KCNU1: variants seen among roughly 807,000 people sequenced by gnomAD.
The protein encoded by KCNU1 is potassium channel subfamily U member 1.
A neutral mutation model predicts 126.8 loss-of-function variants in KCNU1; 93 were observed. That is an observed-to-expected ratio of 0.73 (90% CI 0.62 to 0.87). KCNU1 has a LOEUF of 0.87. KCNU1 is among the 40% of genes least tolerant of loss of function. The pLI, the probability that KCNU1 is intolerant of heterozygous loss-of-function variation, is 0.00. For synonymous variants in KCNU1, 523 were observed against 494.2 expected (o/e 1.06, Z -0.77); for missense variants, 1,330 against 1,367.1 (o/e 0.97, Z 0.43).
chr8:36,815,615 T>C lies in KCNU1; in HGVS notation c.923T>C (p.Ile308Thr). 1 of 1,585,674 alleles carries C rather than the reference T, an allele frequency of 6.3e-7. No homozygotes were observed. The highest frequency in any genetic ancestry group is 2.3e-5 in the East Asian group (1 of 44,372). ...LGSLILFANY[I>T]PEMVELFANK... is the part of the protein sequence containing the mutation. Reference sequence around the variant, plus strand: ...TTTTAGATATTATTTGCGAACTATATACCTGAAATGGTGGAACTGTTTGCT... The same window carrying C: ...TTTTAGATATTATTTGCGAACTATACACCTGAAATGGTGGAACTGTTTGCT... Residue 308 changes from isoleucine (I) to threonine (T), a missense_variant, in exon 9 of 27, where the codon ATA becomes ACA. Ile to Thr is a moderately conservative substitution (Grantham distance 89, BLOSUM62 -1). Coordinates refer to ENST00000399881, the MANE Select transcript of KCNU1 (RefSeq NM_001031836.3).
Position 36,841,019 on chromosome 8 carries a change from C to A in KCNU1, c.1703+16C>A. The A allele has an allele frequency of 7.8e-7, 1 of 1,289,356 alleles. No individual in the cohort carries two copies. Among genetic ancestry groups the A allele is most frequent in the South Asian group, 1.2e-5 (1 of 81,022 alleles). 79.9% of individuals were successfully genotyped at this position (1,289,356 alleles called of 1,614,324 possible). On this transcript the variant is annotated intron_variant, in intron 16 of 26. Coordinates refer to ENST00000399881, the MANE Select transcript of KCNU1 (RefSeq NM_001031836.3). Reference sequence around the variant, plus strand: ...ATGGTTTCTGGTACCAATAAGTCTGCTCATCTCTTCAGTTGTTTTTTTTTT... The same window carrying A: ...ATGGTTTCTGGTACCAATAAGTCTGATCATCTCTTCAGTTGTTTTTTTTTT...
chr8:36,849,065 A>G (rs1188764365), intron 18 of KCNU1, among the ~76,000 whole-genome samples: 3 of 152,166 alleles, frequency 2.0e-5, no homozygotes, highest in African/African-American at 7.2e-5. Context: ...TCAATTTTAG[A>G]ACATTTTCCT....
intron 22 of KCNU1, among the ~76,000 whole-genome samples, chr8:36,913,260 G>T (rs1230638992): frequency 5.9e-5 from 9 of 152,104 alleles, no homozygotes; most frequent in African/African-American, 2.2e-4. Flanking sequence ...CAAGAAGTTT[G>T]CCCTTAAAGA....
chr8:36,792,487 A>G (rs1261326802), intron 2 of KCNU1, among the ~76,000 whole-genome samples: 1 of 152,172 alleles, frequency 6.6e-6, no homozygotes, highest in East Asian at 1.9e-4. Flanking sequence ...CAGGTTTCTG[A>G]AGGGTCAGCA....
At chr8:36,916,287 A>G (rs2117558181) in intron 22 of KCNU1, among the ~76,000 whole-genome samples, 1 of 149,850 alleles carries the variant, frequency 6.7e-6, no homozygotes, top group South Asian at 2.1e-4. Flanking sequence ...GAAGGAAACA[A>G]AAGGAAGAAA....
intron 23 of KCNU1, among the ~76,000 whole-genome samples, chr8:36,921,420 T>C (rs1381908856): frequency 6.6e-6 from 1 of 152,030 alleles, no homozygotes; most frequent in Admixed American, 6.6e-5. Context: ...TGAAAGAAGA[T>C]TCTAGAAACA....
intron 20 of KCNU1, among the ~76,000 whole-genome samples, chr8:36,908,972 A>T (rs1406339197): frequency 6.6e-6 from 1 of 152,200 alleles, no homozygotes. Flanking sequence ...AAGGCTAAAA[A>T]TGTGAAATAA....
intron 2 of KCNU1, among the ~76,000 whole-genome samples, chr8:36,794,878 G>A (rs1360740075): frequency 6.6e-6 from 1 of 152,066 alleles, no homozygotes; most frequent in Non-Finnish European, 1.5e-5. Context: ...GCAGGGAGCT[G>A]AGATTGCACC....
intron 25 of KCNU1, among the ~76,000 whole-genome samples, chr8:36,931,785 C>A (rs1808711223): frequency 6.6e-6 from 1 of 152,014 alleles, no homozygotes; most frequent in African/African-American, 2.4e-5. Flanking sequence ...AAGAATCTGG[C>A]TGCACTGGCC....
chr8:36,787,537 C>A, intron 2 of KCNU1, 112 bp downstream of exon 2: 1 of 1,029,118 alleles, frequency 9.7e-7, no homozygotes. Context: ...CTTTGGTCGT[C>A]TTATCTATAA....
At chr8:36,917,448 T>C (rs1238763832) in intron 22 of KCNU1, among the ~76,000 whole-genome samples, 3 of 151,642 alleles carry the variant, frequency 2.0e-5, no homozygotes, top group Non-Finnish European at 4.4e-5. Context: ...ACTCCTGGGC[T>C]CAAGCGACCC....
intron 24 of KCNU1, 59 bp from the exon 25 acceptor site, chr8:36,930,892 C>A: frequency 1.6e-6 from 2 of 1,274,624 alleles, no homozygotes; most frequent in Non-Finnish European, 2.2e-6. Context: ...GCCTTTACCC[C>A]TCCACAGTTC....
intron 26 of KCNU1, among the ~76,000 whole-genome samples, chr8:36,934,405 C>A (rs1042050536): frequency 4.6e-5 from 7 of 151,924 alleles, no homozygotes; most frequent in African/African-American, 1.7e-4. Context: ...CTTTATAGTA[C>A]CCACCACCAA....
At chr8:36,896,083 G>A (rs1411830729) in intron 19 of KCNU1, among the ~76,000 whole-genome samples, 1 of 147,260 alleles carries the variant, frequency 6.8e-6, no homozygotes, top group Non-Finnish European at 1.5e-5. Context: ...AACTATGAAT[G>A]CCAATTTTTA....
rs559348199 is a variant in KCNU1 at position 36,924,440 on chromosome 8, T to C, written c.2736+1811T>C. Among the ~76,000 whole-genome samples the C allele has an allele frequency of 2.0e-5, 3 of 152,094 alleles. No individual in the cohort carries two copies. The East Asian group carries it at 5.8e-4, about 30-fold the overall frequency. Reference sequence around the variant, plus strand: ...TCCCTGACATCAATGCCATTCGGCATGAGATTGTGTTGCCCTGGGCTCTGC... The same window carrying C: ...TCCCTGACATCAATGCCATTCGGCACGAGATTGTGTTGCCCTGGGCTCTGC... On this transcript the variant is annotated intron_variant, in intron 24 of 26. Transcript: ENST00000399881.
Position 36,905,733 on chromosome 8 carries a change from G to T in KCNU1, c.2035G>T (p.Asp679Tyr). ...GACTCTTCAACATGATGTAGAACAA[G>T]ATTCTGACCAGCTTGATAGCAGTGG... ...TRTLQHDVEQ[D>Y]SDQLDSSGMF... The change falls in exon 20 of 27, where the codon GAT becomes TAT. Residue 679 changes from aspartate (D) to tyrosine (Y), a missense_variant. Asp to Tyr is a radical substitution (Grantham distance 160, BLOSUM62 -3). This residue lies in a region of KCNU1 where 1,054 missense variants were observed against 1,053.9 expected (regional missense o/e 1.00). Coordinates refer to ENST00000399881, the MANE Select transcript of KCNU1 (RefSeq NM_001031836.3). 2 of 1,604,280 alleles carry T rather than the reference G, an allele frequency of 1.2e-6. No homozygotes were observed. Among genetic ancestry groups the T allele is most frequent in the South Asian group, 1.1e-5 (1 of 90,682 alleles).
At chr8:36,906,181 CT>C (rs10650715) in intron 20 of KCNU1, among the ~76,000 whole-genome samples, 15 of 145,762 alleles carry the variant, frequency 1.0e-4, no homozygotes, top group African/African-American at 2.0e-4. Context: ...ACTCTGCAGT[CT>C]TTTTTTTTTT....
At chr8:36,873,957 T>C (rs1196021515) in intron 19 of KCNU1, among the ~76,000 whole-genome samples, 1 of 152,176 alleles carries the variant, frequency 6.6e-6, no homozygotes, top group Non-Finnish European at 1.5e-5. Flanking sequence ...TGCTGAAATA[T>C]CATTATTAAA....
intron 10 of KCNU1, among the ~76,000 whole-genome samples, chr8:36,822,732 C>T (rs1453050636): frequency 6.6e-6 from 1 of 152,092 alleles, no homozygotes; most frequent in Non-Finnish European, 1.5e-5. Context: ...AGATATTACA[C>T]AGCTCTTAAA....
Sources: allele counts gnomAD v4.1 joint callset (sites outside exome capture counted in the v4.1 genomes callset), GRCh38; gene constraint gnomAD v4.1.1; regional missense constraint gnomAD v4.1.1; transcripts MANE v1.5; gene names NCBI Gene and HGNC (gene_info 2026-07-23, HGNC 2026-07-21).